Variants in CTCF observed in about 807,000 individuals in gnomAD.
CTCF encodes transcriptional repressor CTCF.
CTCF carries 7 observed loss-of-function variants against 72.3 expected under a neutral mutation model. The ratio of observed to expected loss-of-function variants is 0.10; its 90% CI spans 0.06 to 0.18. CTCF has a LOEUF of 0.18. Ranked by LOEUF, CTCF falls within the 10% of genes least tolerant of loss-of-function variation. CTCF has a pLI of 1.00. For missense variants in CTCF, 516 were observed against 949.1 expected (o/e 0.54, Z 6.00); for synonymous variants, 374 against 315.8 (o/e 1.18, Z -1.95).
chr16:67,601,658 T>C (rs1383755882), intron 2 of CTCF, among the ~76,000 whole-genome samples: 1 of 152,108 alleles, frequency 6.6e-6, no homozygotes, highest in Non-Finnish European at 1.5e-5. Context: ...CTATTAAAAA[T>C]AGAAGCTATT....
chr16:67,595,309 C>A (rs1051672647), intron 2 of CTCF, among the ~76,000 whole-genome samples: 12 of 152,194 alleles, frequency 7.9e-5, no homozygotes, highest in African/African-American at 2.9e-4. Flanking sequence ...AGGTACAAAC[C>A]ACCATGTCTG....
chr16:67,637,351 G>A (rs912510570), intron 11 of CTCF, among the ~76,000 whole-genome samples: 2 of 152,084 alleles, frequency 1.3e-5, no homozygotes, highest in African/African-American at 4.8e-5. Flanking sequence ...GGTCAACATG[G>A]TGAAACCCCA....
intron 8 of CTCF, chr16:67,627,007 G>A: frequency 4.0e-6 from 1 of 247,832 alleles, no homozygotes; most frequent in Non-Finnish European, 7.7e-6. Context: ...GCGGGGACAT[G>A]ACTGTTGGGA....
At chr16:67,622,896 A>G (rs1387107637) in intron 7 of CTCF, among the ~76,000 whole-genome samples, 1 of 146,120 alleles carries the variant, frequency 6.8e-6, no homozygotes, top group Non-Finnish European at 1.5e-5. Context: ...TCCTGACCTC[A>G]GGTGATCTGC....
At chr16:67,613,010 A>C (rs2052081525) in intron 4 of CTCF, among the ~76,000 whole-genome samples, 1 of 152,210 alleles carries the variant, frequency 6.6e-6, no homozygotes, top group Non-Finnish European at 1.5e-5. Context: ...TTCAGAATGG[A>C]AAAGCTAAGG....
At chr16:67,584,941 A>C (rs945423704) in intron 2 of CTCF, among the ~76,000 whole-genome samples, 3 of 152,124 alleles carry the variant, frequency 2.0e-5, no homozygotes, top group Non-Finnish European at 4.4e-5. Context: ...TCATTTTTTA[A>C]ATCTCTTTTG....
At chr16:67,629,203 G>C (rs1039801274) in intron 9 of CTCF, among the ~76,000 whole-genome samples, 195 bp from the exon 10 acceptor site, 4 of 149,910 alleles carry the variant, frequency 2.7e-5, no homozygotes, top group African/African-American at 9.9e-5. Flanking sequence ...CCCCGTCTCT[G>C]TCTGCAGGCT....
At chr16:67,607,203 C>T (rs1022321515) in intron 2 of CTCF, among the ~76,000 whole-genome samples, 23 of 151,898 alleles carry the variant, frequency 1.5e-4, no homozygotes, top group African/African-American at 3.6e-4. Context: ...GTGATCTGCC[C>T]GCCTCGGCCT....
chr16:67,573,313 CA>C (rs2051449950), intron 2 of CTCF, among the ~76,000 whole-genome samples: 1 of 151,710 alleles, frequency 6.6e-6, no homozygotes, highest in Admixed American at 6.6e-5. Flanking sequence ...CCTGTAATCC[CA>C]ACTACTCGGG....
intron 2 of CTCF, among the ~76,000 whole-genome samples, chr16:67,572,289 C>T (rs1031215344): frequency 1.3e-5 from 2 of 152,182 alleles, no homozygotes; most frequent in Admixed American, 1.3e-4. Flanking sequence ...AAATAACTTA[C>T]GCCCTGCAGG....
Position 67,616,824 on chromosome 16 carries a change from A to G in CTCF, c.1032A>G (p.Lys344=). ...SGELVRHRRY[K]HTHEKPFKCS... ...AATTGGTTCGGCATCGTCGTTACAA[A>G]CACACCCACGAGAAGCCATTCAAGT... Residue 344 remains lysine (K), a synonymous_variant, in exon 5 of 12, where the codon AAA becomes AAG. Coordinates refer to ENST00000264010, the MANE Select transcript of CTCF (RefSeq NM_006565.4). The G allele has an allele frequency of 6.2e-7, 1 of 1,614,150 alleles. No homozygotes were observed. The highest frequency in any genetic ancestry group is 8.5e-7 in the Non-Finnish European group (1 of 1,180,036).
chr16:67,616,587 A>T, intron 4 of CTCF, 158 bp from the exon 5 acceptor site: 1 of 741,288 alleles, frequency 1.3e-6, no homozygotes, highest in Non-Finnish European at 2.3e-6. Context: ...AGGCCCTCCC[A>T]TAGTTTTCGG....
chr16:67,624,644 G>T (rs1364601830), intron 7 of CTCF, among the ~76,000 whole-genome samples: 1 of 151,874 alleles, frequency 6.6e-6, no homozygotes, highest in African/African-American at 2.4e-5. Flanking sequence ...CCAGGCTGGA[G>T]TTCGGTGGCT....
At chr16:67,631,119 T>C (rs1019098825) in intron 10 of CTCF, among the ~76,000 whole-genome samples, 3 of 151,904 alleles carry the variant, frequency 2.0e-5, no homozygotes, top group Admixed American at 6.6e-5. Flanking sequence ...TGGAGAACTT[T>C]AGTGACTTTA....
At chr16:67,580,608 C>T (rs2051565591) in intron 2 of CTCF, among the ~76,000 whole-genome samples, 1 of 151,818 alleles carries the variant, frequency 6.6e-6, no homozygotes, top group Non-Finnish European at 1.5e-5. Flanking sequence ...GTCCACCAGG[C>T]TGGAGTGCAG....
intron 2 of CTCF, among the ~76,000 whole-genome samples, chr16:67,594,580 A>C (rs866321650): frequency 3.3e-5 from 5 of 152,154 alleles, no homozygotes; most frequent in Middle Eastern, 6.8e-3. Flanking sequence ...GTGATGCGTA[A>C]AAAAACTTCG....
At chr16:67,562,925 C>CCGCCCGCCCCCCCCACCCCCA (rs2051295953) in intron 1 of CTCF, among the ~76,000 whole-genome samples, 2 of 104,142 alleles carry the variant, frequency 1.9e-5, no homozygotes, top group Admixed American at 8.1e-5. Flanking sequence ...ACCCCCACGC[C>CCGCCCGCCCCCCCCACCCCCA]CGCCCGCCCG....
At chr16:67,621,395 GTATT>G in intron 6 of CTCF, 43 bp from the exon 7 acceptor site, 5 of 1,392,888 alleles carry the variant, frequency 3.6e-6, no homozygotes, top group Non-Finnish European at 5.1e-6. Flanking sequence ...TTAAATTACA[GTATT>G]TATTCATTTC....
At chr16:67,636,942 C>T in intron 11 of CTCF, 91 bp downstream of exon 11, 1 of 1,212,524 alleles carries the variant, frequency 8.2e-7, no homozygotes, top group Non-Finnish European at 1.1e-6. Context: ...GATGTGGGAA[C>T]TAAGCCATGA....
Sources: allele counts gnomAD v4.1 joint callset (sites outside exome capture counted in the v4.1 genomes callset), GRCh38; gene constraint gnomAD v4.1.1; transcripts MANE v1.5; gene names NCBI Gene and HGNC (gene_info 2026-07-23, HGNC 2026-07-21).